KAZN: variants seen among roughly 807,000 people sequenced by gnomAD.
The protein encoded by KAZN is kazrin.
In KAZN, 40 loss-of-function variants were observed where a neutral mutation model predicts 87.4. The ratio of observed to expected loss-of-function variants is 0.46; its 90% confidence interval spans 0.36 to 0.60. KAZN has a LOEUF of 0.60. Among genes scored for constraint, KAZN ranks in the 20% least tolerant of loss-of-function variants. KAZN has a pLI of 0.00. For missense variants in KAZN, 898 were observed against 1,073.9 expected (o/e 0.84, Z 2.29); for synonymous variants, 466 against 458.3 (o/e 1.02, Z -0.22).
At chr1:14,125,886 G>A (rs184781734) in intron 1 of KAZN, among the ~76,000 whole-genome samples, 5 of 150,368 alleles carry the variant, frequency 3.3e-5, no homozygotes, top group Admixed American at 6.6e-5. Flanking sequence ...CAAAGATCAG[G>A]GCAGGATTGA....
intron 1 of KAZN, among the ~76,000 whole-genome samples, chr1:14,770,286 C>T (rs147688380): frequency 9.2e-5 from 14 of 152,262 alleles, no homozygotes; most frequent in African/African-American, 3.1e-4. Flanking sequence ...GGTCAACAGT[C>T]AATGGGGAAT....
At chr1:15,105,896 G>T (rs1641279270) in intron 13 of KAZN, among the ~76,000 whole-genome samples, 2 of 152,184 alleles carry the variant, frequency 1.3e-5, no homozygotes, top group South Asian at 4.1e-4. Context: ...TCCTGCCTCA[G>T]ACTTGCAGGA....
intron 2 of KAZN, among the ~76,000 whole-genome samples, chr1:14,410,991 C>G (rs992123524): frequency 6.6e-6 from 1 of 152,150 alleles, no homozygotes; most frequent in Non-Finnish European, 1.5e-5. Context: ...TGATTTGTTT[C>G]AGCATCCCTA....
At chr1:14,556,128 T>TC (rs1242069054) in intron 2 of KAZN, among the ~76,000 whole-genome samples, 1 of 151,252 alleles carries the variant, frequency 6.6e-6, no homozygotes, top group Non-Finnish European at 1.5e-5. Flanking sequence ...TTTTTTTTTT[T>TC]CAGTCGGAGT....
At chr1:14,483,236 T>G (rs549078117) in intron 2 of KAZN, among the ~76,000 whole-genome samples, 1 of 152,160 alleles carries the variant, frequency 6.6e-6, no homozygotes, top group African/African-American at 2.4e-5. Context: ...CACATCAAAA[T>G]AAGAACGCTA....
chr1:14,865,161 C>T (rs1264110111), intron 1 of KAZN, among the ~76,000 whole-genome samples: 1 of 152,132 alleles, frequency 6.6e-6, no homozygotes, highest in Non-Finnish European at 1.5e-5. Flanking sequence ...CTGCCTCTTG[C>T]CCAAGGTCAG....
chr1:14,942,625 G>T (rs1661227451), intron 1 of KAZN, among the ~76,000 whole-genome samples: 1 of 152,188 alleles, frequency 6.6e-6, no homozygotes, highest in Admixed American at 6.5e-5. Context: ...ACATGTTTTG[G>T]CATGAAAGCA....
chr1:14,287,255 T>C (rs1653327261), intron 2 of KAZN, among the ~76,000 whole-genome samples: 2 of 152,180 alleles, frequency 1.3e-5, no homozygotes, highest in African/African-American at 4.8e-5. Context: ...CCTTTTCTGA[T>C]TCCCTTCCCA....
chr1:14,377,292 T>C (rs1660992359), intron 2 of KAZN, among the ~76,000 whole-genome samples: 2 of 152,200 alleles, frequency 1.3e-5, no homozygotes, highest in Admixed American at 1.3e-4. Context: ...AGCTTCTGTC[T>C]GTTCCAGAGA....
chr1:14,101,448 G>A (rs1393375851), intron 1 of KAZN, among the ~76,000 whole-genome samples: 1 of 152,196 alleles, frequency 6.6e-6, no homozygotes, highest in Non-Finnish European at 1.5e-5. Context: ...ATAAAGTAGT[G>A]AAGGAGGGTT....
chr1:14,210,832 A>G (rs115895161), intron 2 of KAZN, among the ~76,000 whole-genome samples: 2,542 of 152,252 alleles, frequency 0.017, 24 homozygotes, highest in Non-Finnish European at 0.026. Flanking sequence ...AATCTCTTTA[A>G]TGTGAGGCTT....
chr1:14,369,491 C>T (rs1239572419), intron 2 of KAZN, among the ~76,000 whole-genome samples: 2 of 152,096 alleles, frequency 1.3e-5, no homozygotes, highest in Non-Finnish European at 2.9e-5. Flanking sequence ...ATTTGTGAAG[C>T]GGCTTCTCCA....
chr1:14,753,748 ATCTTTCCCTGCACTCACCTC>A (rs576040113), intron 1 of KAZN, among the ~76,000 whole-genome samples: 71 of 152,260 alleles, frequency 4.7e-4, no homozygotes, highest in African/African-American at 1.7e-3. Flanking sequence ...TAGAGGCTAC[ATCTTTCCCTGCACTCACCTC>A]TAGGGAGGGA....
chr1:14,690,333 T>C (rs1641212013), intron 1 of KAZN, among the ~76,000 whole-genome samples: 2 of 152,180 alleles, frequency 1.3e-5, no homozygotes, highest in Non-Finnish European at 2.9e-5. Context: ...TGTTTTTACA[T>C]GGGAGCCCCA....
intron 1 of KAZN, among the ~76,000 whole-genome samples, chr1:13,996,830 A>G (rs1639543405): frequency 1.3e-5 from 2 of 151,840 alleles, no homozygotes. Context: ...CAAGCGAAGC[A>G]CACCCCCCTC....
At chr1:14,826,553 T>C (rs1646892531) in intron 1 of KAZN, among the ~76,000 whole-genome samples, 1 of 152,190 alleles carries the variant, frequency 6.6e-6, no homozygotes, top group South Asian at 2.1e-4. Flanking sequence ...CCCATGGGTG[T>C]CGCCTCCCTC....
chr1:14,162,597 T>C (rs1417896770), intron 1 of KAZN, among the ~76,000 whole-genome samples: 4 of 150,570 alleles, frequency 2.7e-5, no homozygotes. Flanking sequence ...CAGGCTGGAG[T>C]GCAGTGGCAC....
chr1:14,458,532 A>G (rs1667689070), intron 2 of KAZN, among the ~76,000 whole-genome samples: 1 of 152,244 alleles, frequency 6.6e-6, no homozygotes, highest in African/African-American at 2.4e-5. Context: ...TCTTAGAGAT[A>G]GAATAAATTC....
chr1:14,622,835 A>G (rs550547866), intron 1 of KAZN, among the ~76,000 whole-genome samples: 4 of 152,282 alleles, frequency 2.6e-5, no homozygotes, highest in Admixed American at 1.3e-4. Flanking sequence ...TTGGAATCCA[A>G]TAAGTCTGGT....
Sources: gnomAD v4.1 joint callset for allele counts (sites outside exome capture counted in the v4.1 genomes callset) on GRCh38, gnomAD v4.1.1 for gene constraint, MANE v1.5 for transcripts, NCBI Gene and HGNC (gene_info 2026-07-23, HGNC 2026-07-21) for gene names.